Variants in RAPGEF2 observed in about 807,000 individuals in gnomAD.
RAPGEF2 encodes the protein PDZ domain containing guanine nucleotide exchange factor (GEF) 1.
In RAPGEF2, 54 loss-of-function variants were observed where a neutral mutation model predicts 186.7. The observed-to-expected ratio is 0.29, with a 90% CI of 0.23 to 0.36. RAPGEF2 has a LOEUF of 0.36. Among genes scored for constraint, RAPGEF2 ranks in the 10% least tolerant of loss-of-function variants. The pLI is 1.00. For synonymous variants in RAPGEF2, 712 were observed against 705.9 expected (o/e 1.01, Z -0.14); for missense variants, 1,532 against 2,045.0 (o/e 0.75, Z 4.84).
intron 1 of RAPGEF2, among the ~76,000 whole-genome samples, chr4:159,129,833 G>A (rs572841750): frequency 7.4e-4 from 112 of 152,318 alleles, no homozygotes; most frequent in African/African-American, 2.5e-3. Flanking sequence ...TTTGGGGTGA[G>A]TTCATAGAAT....
chr4:159,337,243 C>A (rs565099556), intron 17 of RAPGEF2, among the ~76,000 whole-genome samples: 3 of 152,118 alleles, frequency 2.0e-5, no homozygotes, highest in Non-Finnish European at 4.4e-5. Flanking sequence ...TCACCATGCA[C>A]CACTGTTTTT....
At chr4:159,164,051 C>CTGGA in intron 1 of RAPGEF2, among the ~76,000 whole-genome samples, 3 of 151,754 alleles carry the variant, frequency 2.0e-5, no homozygotes, top group Middle Eastern at 6.8e-3. Flanking sequence ...GTCCCCCAGG[C>CTGGA]TGGAGTGCAG....
At position 159,353,521 on chromosome 4, in the gene RAPGEF2, T is replaced by C. The variant is rs777406036; in HGVS notation, c.4126T>C (p.Tyr1376His). 6.6e-7 allele frequency: 1 copy of C among 1,521,568 alleles called. No homozygotes were observed. Among genetic ancestry groups the C allele is most frequent in the Non-Finnish European group, 8.8e-7 (1 of 1,137,394 alleles). 94.3% of individuals were successfully genotyped at this position (1,521,568 alleles called of 1,614,324 possible). The change falls in exon 28 of 30, where the codon TAT (tyrosine) becomes CAT (histidine). Residue 1376 changes from tyrosine to histidine, a missense_variant. Physicochemically the swap from Tyr to His is moderately conservative, Grantham distance 83. Transcript: ENST00000691494. This position sits in a 1 kb window ranked among gnomAD's most constrained non-coding sequence, Gnocchi z 4.3. ...YAPMSEGRGL[Y>H]ATATVISSPS... ...ACCAATGTCCGAGGGCCGAGGCTTA[T>C]ATGCTACAGCTACAGTAATTTCTTC...
At chr4:159,147,329 G>A (rs1412745768) in intron 1 of RAPGEF2, among the ~76,000 whole-genome samples, 1 of 150,848 alleles carries the variant, frequency 6.6e-6, no homozygotes, top group African/African-American at 2.4e-5. Flanking sequence ...TATGAAAAAT[G>A]ATTTTCACTA....
chr4:159,339,687 G>T (rs1172207932), intron 19 of RAPGEF2, among the ~76,000 whole-genome samples: 2 of 152,152 alleles, frequency 1.3e-5, no homozygotes, highest in Non-Finnish European at 2.9e-5. Flanking sequence ...TTGATGTAAA[G>T]TCACGGGGTT....
chr4:159,291,781 C>G (rs1761249614), intron 7 of RAPGEF2, among the ~76,000 whole-genome samples: 1 of 135,876 alleles, frequency 7.4e-6, no homozygotes, highest in South Asian at 2.1e-4. Context: ...AGCTTTAGTG[C>G]TGTTGTTTTT....
chr4:159,322,815 G>T (rs1005688884), intron 10 of RAPGEF2, among the ~76,000 whole-genome samples: 4 of 152,104 alleles, frequency 2.6e-5, no homozygotes, highest in Non-Finnish European at 5.9e-5. Context: ...CAAAAGCAGA[G>T]ACCCCTGATA....
At chr4:159,302,110 T>C (rs897761365) in intron 7 of RAPGEF2, among the ~76,000 whole-genome samples, 1 of 152,168 alleles carries the variant, frequency 6.6e-6, no homozygotes, top group Non-Finnish European at 1.5e-5. Context: ...TCCATGTAAT[T>C]CTGATATTTG....
At chr4:159,258,851 C>A (rs1756483557) in intron 7 of RAPGEF2, among the ~76,000 whole-genome samples, 1 of 152,114 alleles carries the variant, frequency 6.6e-6, no homozygotes, top group South Asian at 2.1e-4. Flanking sequence ...CCTGCTTTAA[C>A]AGGTCTATAC....
chr4:159,274,735 G>A (rs183289341), intron 7 of RAPGEF2, among the ~76,000 whole-genome samples: 1 of 152,160 alleles, frequency 6.6e-6, no homozygotes, highest in East Asian at 1.9e-4. Flanking sequence ...TGGGCTAAAT[G>A]GAACAGTGTC....
Position 159,186,687 on chromosome 4 carries a change from T to C in RAPGEF2, c.115T>C (p.Ser39Pro). ...CTATTTACATGGTATGGAAGCCTTA[T>C]CAAACTTGAGGGAGCATCAACTTAG... ...YSYLHGMEAL[S>P]NLREHQLRLM... Residue 39 changes from serine (S) to proline (P), a missense_variant, in exon 2 of 30, where the codon TCA (serine) becomes CCA (proline). Transcript: ENST00000691494. The C allele has an allele frequency of 6.8e-7, 1 of 1,478,162 alleles. No homozygotes were observed. Among genetic ancestry groups the C allele is most frequent in the Non-Finnish European group, 9.1e-7 (1 of 1,102,368 alleles). The allele number at this position is 1,478,162 out of a possible 1,614,324, so 91.6% of individuals were successfully genotyped here.
chr4:159,271,768 A>G (rs930509838), intron 7 of RAPGEF2, among the ~76,000 whole-genome samples: 1 of 152,198 alleles, frequency 6.6e-6, no homozygotes, highest in African/African-American at 2.4e-5. Context: ...TCCTGCAGCT[A>G]TCTTTTTCCT....
chr4:159,262,065 T>C (rs756491520), intron 7 of RAPGEF2, among the ~76,000 whole-genome samples: 1 of 152,212 alleles, frequency 6.6e-6, no homozygotes, highest in African/African-American at 2.4e-5. Context: ...TGGTTCCCCA[T>C]CTTAAACAGT....
chr4:159,322,350 A>G lies in RAPGEF2; in HGVS notation c.857A>G (p.Gln286Arg), dbSNP rs1579933079. ...PIDRTDDDIEQLLEFMHQLPA... is the reference protein window; with the variant it reads ...PIDRTDDDIERLLEFMHQLPA... ...AAGTATGTCTTTTGCTTTTCAGAAC[A>G]ACTCTTGGAATTTATGCACCAGTTG... Residue 286 changes from glutamine (Q) to arginine (R), a missense_variant, in exon 10 of 30, where the codon CAA (glutamine) becomes CGA (arginine). Around this residue, in one of 4 missense-constraint regions of RAPGEF2, gnomAD observed 810 missense variants for 1,210.5 expected, o/e 0.67. Transcript: ENST00000691494. 1.4e-5 allele frequency: 22 copies of G among 1,613,608 alleles called. No homozygotes were observed. Among genetic ancestry groups the G allele is most frequent in the Non-Finnish European group, 1.8e-5 (21 of 1,179,662 alleles).
rs2111318042 is a variant in RAPGEF2 at position 159,350,147 on chromosome 4, T to A, written c.3723T>A (p.Ser1241=). The change falls in exon 26 of 30, where the codon TCT becomes TCA. Residue 1241 remains serine (S), a synonymous_variant. Coordinates refer to ENST00000691494, the MANE Select transcript of RAPGEF2 (RefSeq NM_001394067.2). Reference sequence around the variant, plus strand: ...TTTTTTCCATTATAGGCATAAACTCTCCACAAGCTTTAAAAAAAATTCTTT... The same window carrying A: ...TTTTTTCCATTATAGGCATAAACTCACCACAAGCTTTAAAAAAAATTCTTT... ...VKDLPPFGIN[S]PQALKKILSL... 6.4e-7 allele frequency: 1 copy of A among 1,563,570 alleles called. No individual in the cohort carries two copies. The highest frequency in any genetic ancestry group is 2.3e-5 in the East Asian group (1 of 43,570).
At position 159,295,746 on chromosome 4, in the gene RAPGEF2, TGTGTGTGTGCGCGCGCGCGC is replaced by T. The variant is rs1270492769; in HGVS notation, c.544-8594_544-8575del. Among the ~76,000 whole-genome samples, 9 of 125,626 alleles carry T rather than the reference TGTGTGTGTGCGCGCGCGCGC, an allele frequency of 7.2e-5. No homozygotes were observed. In the South Asian group the frequency reaches 9.2e-4, roughly 13 times the overall value. The allele number at this position is 125,626 out of a possible 152,430, so 82.4% of individuals were successfully genotyped here. ...GTGTGTGTGTGTGTGTGTGTGTGTG[TGTGTGTGTGCGCGCGCGCGC>T]GCGCGCGCATGCACATAATGTTTTT... is the stretch of plus-strand genomic sequence containing the variant. On this transcript the variant is annotated intron_variant, in intron 7 of 29. Coordinates refer to ENST00000691494, the MANE Select transcript of RAPGEF2 (RefSeq NM_001394067.2).
At chr4:159,187,217 G>A (rs746777585) in intron 2 of RAPGEF2, among the ~76,000 whole-genome samples, 10 of 152,076 alleles carry the variant, frequency 6.6e-5, no homozygotes, top group Non-Finnish European at 1.3e-4. Context: ...TATCCAGTAA[G>A]AGAATAATAT....
intron 1 of RAPGEF2, among the ~76,000 whole-genome samples, chr4:159,111,669 G>C (rs1225448997): frequency 6.6e-6 from 1 of 152,122 alleles, no homozygotes; most frequent in African/African-American, 2.4e-5. Flanking sequence ...GTGATTATCT[G>C]ATTTCTCCTG....
At chr4:159,355,592 C>T (rs775865733) in intron 28 of RAPGEF2, among the ~76,000 whole-genome samples, 1 of 152,072 alleles carries the variant, frequency 6.6e-6, no homozygotes, top group Non-Finnish European at 1.5e-5. Context: ...ACAAGCAGCC[C>T]ATTTAAAGAT....
Sources: allele counts gnomAD v4.1 joint callset (sites outside exome capture counted in the v4.1 genomes callset), GRCh38; gene constraint gnomAD v4.1.1; regional missense constraint gnomAD v4.1.1; non-coding constraint Gnocchi (gnomAD v3.1); transcripts MANE v1.5; gene names NCBI Gene and HGNC (gene_info 2026-07-23, HGNC 2026-07-21).